Variants in CFAP20DC observed in about 807,000 individuals in gnomAD.
The protein encoded by CFAP20DC is protein CFAP20DC.
In CFAP20DC, 84 loss-of-function variants were observed where a neutral mutation model predicts 101.7. That is an observed-to-expected ratio of 0.83 (90% CI 0.69 to 0.99). The LOEUF (loss-of-function observed/expected upper bound fraction) is 0.99, where lower values mean the gene tolerates loss of function less well. Among genes scored for constraint, CFAP20DC ranks in the 50% least tolerant of loss-of-function variants. The probability of loss-of-function intolerance (pLI) is 0.00; values close to 1 mark genes in which losing one functional copy is unlikely to be tolerated. For synonymous variants in CFAP20DC, 359 were observed against 351.2 expected (o/e 1.02, Z -0.25); for missense variants, 1,007 against 970.3 (o/e 1.04, Z -0.50).
chr3:58,775,266 T>TGAGTGTCTGATA (rs2071219983), intron 15 of CFAP20DC, among the ~76,000 whole-genome samples: 1 of 152,206 alleles, frequency 6.6e-6, no homozygotes, highest in African/African-American at 2.4e-5. Context: ...TGCCTTCTTT[T>TGAGTGTCTGATA]GAGTGTCTGA....
intron 4 of CFAP20DC, among the ~76,000 whole-genome samples, chr3:58,974,826 T>C (rs1398904391): frequency 6.6e-6 from 1 of 152,064 alleles, no homozygotes. Context: ...CTGGGCCAGG[T>C]GAATATGTTA....
chr3:58,843,724 A>C (rs1463944666), intron 13 of CFAP20DC, among the ~76,000 whole-genome samples: 2 of 150,360 alleles, frequency 1.3e-5, no homozygotes, highest in South Asian at 2.1e-4. Flanking sequence ...GATTCACCAA[A>C]GTTGAAATGA....
chr3:58,888,716 T>C (rs550023455), intron 6 of CFAP20DC, among the ~76,000 whole-genome samples: 1 of 152,356 alleles, frequency 6.6e-6, no homozygotes, highest in South Asian at 2.1e-4. Flanking sequence ...TCCATGTCCC[T>C]GCAAAGGACA....
At chr3:58,883,973 T>C (rs1002427719) in intron 7 of CFAP20DC, among the ~76,000 whole-genome samples, 1 of 152,178 alleles carries the variant, frequency 6.6e-6, no homozygotes, top group African/African-American at 2.4e-5. Context: ...CTGACATGTT[T>C]TGTTTGGCCC....
chr3:58,768,008 G>A (rs2070477680), intron 15 of CFAP20DC, among the ~76,000 whole-genome samples: 1 of 152,028 alleles, frequency 6.6e-6, no homozygotes, highest in Non-Finnish European at 1.5e-5. Flanking sequence ...ACCCCTTATG[G>A]CTAAGGAATA....
intron 6 of CFAP20DC, among the ~76,000 whole-genome samples, chr3:58,898,176 CTT>C (rs567724569): frequency 4.2e-5 from 6 of 143,128 alleles, no homozygotes; most frequent in Non-Finnish European, 3.1e-5. Flanking sequence ...GTTACTGATA[CTT>C]TTTTTTTTTT....
intron 6 of CFAP20DC, among the ~76,000 whole-genome samples, chr3:58,887,983 GA>G (rs1260403989): frequency 6.6e-6 from 1 of 152,184 alleles, no homozygotes; most frequent in Non-Finnish European, 1.5e-5. Context: ...ACCAAACTAT[GA>G]AAGAGCTTTA....
intron 5 of CFAP20DC, among the ~76,000 whole-genome samples, chr3:58,920,804 G>A (rs1196002460): frequency 6.6e-6 from 1 of 152,146 alleles, no homozygotes; most frequent in African/African-American, 2.4e-5. Flanking sequence ...CTGGCCTGAT[G>A]TATAAGTTGG....
intron 4 of CFAP20DC, among the ~76,000 whole-genome samples, chr3:59,000,695 T>C (rs2093284076): frequency 6.6e-6 from 1 of 151,166 alleles, no homozygotes; most frequent in South Asian, 2.1e-4. Context: ...AGGCAGAGAG[T>C]GGGTGGCAAT....
At chr3:58,898,850 T>C (rs546769101) in intron 6 of CFAP20DC, among the ~76,000 whole-genome samples, 3 of 152,310 alleles carry the variant, frequency 2.0e-5, no homozygotes, top group South Asian at 4.1e-4. Flanking sequence ...AGATTGCTCA[T>C]CTTTGAGTTG....
chr3:58,944,661 C>T (rs928178811), intron 4 of CFAP20DC, among the ~76,000 whole-genome samples: 3 of 148,538 alleles, frequency 2.0e-5, no homozygotes, highest in Admixed American at 6.6e-5. Flanking sequence ...AACCACAGAA[C>T]CATATTATAT....
At chr3:58,735,797 AT>A (rs2067739879) in intron 3 of CFAP20DC, among the ~76,000 whole-genome samples, 1 of 152,196 alleles carries the variant, frequency 6.6e-6, no homozygotes. Context: ...GTGATCAAAA[AT>A]GTATTAAAAA....
At chr3:58,792,462 C>T (rs1349784919) in intron 15 of CFAP20DC, among the ~76,000 whole-genome samples, 3 of 152,046 alleles carry the variant, frequency 2.0e-5, no homozygotes, top group African/African-American at 7.2e-5. Context: ...TATTTCAATG[C>T]TTCATAGGAA....
At chr3:58,885,059 GAGTAC>G (rs2081509687) in intron 6 of CFAP20DC, among the ~76,000 whole-genome samples, 1 of 152,028 alleles carries the variant, frequency 6.6e-6, no homozygotes, top group Admixed American at 6.5e-5. Flanking sequence ...AGATTTCTGG[GAGTAC>G]ATCAGCTTAT....
At chr3:58,847,043 A>C (rs1459881649) in intron 13 of CFAP20DC, among the ~76,000 whole-genome samples, 1 of 113,962 alleles carries the variant, frequency 8.8e-6, no homozygotes, top group Non-Finnish European at 1.7e-5. Context: ...TAAACGTTAG[A>C]CCTAAAACCA....
intron 4 of CFAP20DC, among the ~76,000 whole-genome samples, chr3:58,997,360 T>C (rs1361204560): frequency 6.6e-6 from 1 of 152,228 alleles, no homozygotes; most frequent in African/African-American, 2.4e-5. Context: ...GATCTGGCTC[T>C]AGAACATGCT....
intron 15 of CFAP20DC, among the ~76,000 whole-genome samples, chr3:58,783,504 G>A (rs1231211935): frequency 6.6e-6 from 1 of 151,964 alleles, no homozygotes; most frequent in Non-Finnish European, 1.5e-5. Flanking sequence ...AAACAAGAGT[G>A]AAGAGACAAC....
intron 6 of CFAP20DC, among the ~76,000 whole-genome samples, chr3:58,886,767 GA>G (rs1386257846): frequency 1.3e-5 from 2 of 151,914 alleles, no homozygotes; most frequent in African/African-American, 4.8e-5. Flanking sequence ...AGACTGAAAG[GA>G]AATATACCAA....
chr3:58,866,577 G>C lies in CFAP20DC; in HGVS notation c.1247C>G (p.Pro416Arg). 6.2e-7 allele frequency: 1 copy of C among 1,611,038 alleles called. No individual in the cohort carries two copies. Among genetic ancestry groups the C allele is most frequent in the Non-Finnish European group, 8.5e-7 (1 of 1,178,726 alleles). Residue 416 changes from proline (P) to arginine (R), a missense_variant, in exon 11 of 17, where the codon CCT becomes CGT. Coordinates refer to ENST00000482387, the MANE Select transcript of CFAP20DC (RefSeq NM_001394063.1). ...ATAAAGATGCCAACCTGATTGATCAGGAGACTGGGGTCCTAGAGTGCCGGA... is the reference window on the plus strand; with the variant it reads ...ATAAAGATGCCAACCTGATTGATCACGAGACTGGGGTCCTAGAGTGCCGGA... Reference protein sequence around the residue: ...LNSGTLGPQSPDQSDEWIFPE... With the variant: ...LNSGTLGPQSRDQSDEWIFPE...
Sources: gnomAD v4.1 joint callset for allele counts (sites outside exome capture counted in the v4.1 genomes callset) on GRCh38, gnomAD v4.1.1 for gene constraint, MANE v1.5 for transcripts, NCBI Gene and HGNC (gene_info 2026-07-23, HGNC 2026-07-21) for gene names.